PIWIL1: variants seen among roughly 807,000 people sequenced by gnomAD.
PIWIL1 encodes the protein piwi like RNA-mediated gene silencing 1.
A neutral mutation model predicts 114.4 loss-of-function variants in PIWIL1; 73 were observed. The observed-to-expected ratio is 0.64, with a 90% CI of 0.53 to 0.78. PIWIL1 has a LOEUF of 0.78. Among genes scored for constraint, PIWIL1 ranks in the 30% least tolerant of loss-of-function variants. The probability of loss-of-function intolerance (pLI) is 0.00; values close to 1 mark genes in which losing one functional copy is unlikely to be tolerated. For missense variants in PIWIL1, 723 were observed against 1,063.1 expected (o/e 0.68, Z 4.45); for synonymous variants, 375 against 369.0 (o/e 1.02, Z -0.19).
chr12:130,371,621 C>T lies in PIWIL1; in HGVS notation c.*23C>T. ...TAACCTGCAGAAGACGATGCAGCCG[C>T]TTTTCTTTTTGAAATGACTTTGGGA... On this transcript the variant is annotated 3_prime_UTR_variant, in exon 21 of 21. Transcript: ENST00000245255. 1 of 1,401,808 alleles carries T rather than the reference C, an allele frequency of 7.1e-7. No homozygotes were observed. Among genetic ancestry groups the T allele is most frequent in the Non-Finnish European group, 9.9e-7 (1 of 1,009,210 alleles). 86.8% of individuals were successfully genotyped at this position (1,401,808 alleles called of 1,614,324 possible).
At chr12:130,392,298 A>G in the PIWIL1 span, among the ~76,000 whole-genome samples, 2 of 143,960 alleles carry the variant, frequency 1.4e-5, no homozygotes, top group Non-Finnish European at 3.0e-5. Flanking sequence ...CGTTGTGATG[A>G]CCCGGTCACC....
the PIWIL1 span, among the ~76,000 whole-genome samples, chr12:130,382,468 C>T: frequency 6.6e-6 from 1 of 152,228 alleles, no homozygotes; most frequent in African/African-American, 2.4e-5. Flanking sequence ...GGGCCTGGGC[C>T]GCCGTGGTCT....
chr12:130,347,854 A>T (rs1161537543), intron 6 of PIWIL1, among the ~76,000 whole-genome samples: 1 of 152,224 alleles, frequency 6.6e-6, no homozygotes, highest in Non-Finnish European at 1.5e-5. Flanking sequence ...TGCCAGTAGA[A>T]CTATTGGTGG....
chr12:130,374,477 T>C (rs2073851879), downstream of PIWIL1, among the ~76,000 whole-genome samples: 1 of 152,178 alleles, frequency 6.6e-6, no homozygotes, highest in South Asian at 2.1e-4. Flanking sequence ...AACTGTAAAA[T>C]TTTCAAGAGT....
At chr12:130,349,782 C>A in intron 8 of PIWIL1, 74 bp from the exon 9 acceptor site, 1 of 840,432 alleles carries the variant, frequency 1.2e-6, no homozygotes, top group Non-Finnish European at 1.9e-6. Flanking sequence ...AGAATACATG[C>A]TGTCTAGTCT....
chr12:130,348,223 A>AT (rs1312959206), intron 7 of PIWIL1, 40 bp downstream of exon 7: 1 of 1,191,362 alleles, frequency 8.4e-7, no homozygotes, highest in Non-Finnish European at 1.2e-6. Context: ...CTTAGGCTTA[A>AT]TGACAGACTT....
the PIWIL1 span, among the ~76,000 whole-genome samples, chr12:130,394,185 T>C: frequency 6.6e-6 from 1 of 152,210 alleles, no homozygotes; most frequent in African/African-American, 2.4e-5. Context: ...TGACACTTGA[T>C]TCATCCTCTT....
chr12:130,363,427 C>T (rs1307687744), intron 18 of PIWIL1, among the ~76,000 whole-genome samples: 2 of 152,036 alleles, frequency 1.3e-5, no homozygotes, highest in Admixed American at 6.6e-5. Context: ...CCTTGGAGTG[C>T]AAGTATCTGA....
At chr12:130,382,025 T>C in the PIWIL1 span, among the ~76,000 whole-genome samples, 15 of 152,236 alleles carry the variant, frequency 9.9e-5, no homozygotes, top group African/African-American at 3.6e-4. Flanking sequence ...TTGTAAGAGT[T>C]CTTTGCATAT....
At chr12:130,412,083 T>C in the PIWIL1 span, among the ~76,000 whole-genome samples, 1 of 152,142 alleles carries the variant, frequency 6.6e-6, no homozygotes, top group East Asian at 1.9e-4. Context: ...ATAAATGTAA[T>C]GTTGCTTAAA....
chr12:130,392,436 C>T, the PIWIL1 span, among the ~76,000 whole-genome samples: 5 of 3,608 alleles, frequency 1.4e-3, no homozygotes, highest in Non-Finnish European at 2.9e-3. Flanking sequence ...ACCGTCATCA[C>T]GTGTCTGTCA....
At chr12:130,394,560 C>A in the PIWIL1 span, among the ~76,000 whole-genome samples, 3 of 152,124 alleles carry the variant, frequency 2.0e-5, no homozygotes, top group African/African-American at 7.2e-5. Context: ...CTTTATTTAG[C>A]AGAACTTTTC....
intron 18 of PIWIL1, among the ~76,000 whole-genome samples, chr12:130,365,377 G>A (rs1486367993): frequency 2.6e-5 from 4 of 152,122 alleles, no homozygotes. Flanking sequence ...TATACGTAAT[G>A]GACTTCACAC....
intron 1 of PIWIL1, among the ~76,000 whole-genome samples, chr12:130,338,967 G>C (rs1213535330): frequency 6.6e-6 from 1 of 151,886 alleles, no homozygotes; most frequent in Non-Finnish European, 1.5e-5. Context: ...CCGCATTGGC[G>C]GCCGTGCGTG....
chr12:130,389,270 A>C, the PIWIL1 span, among the ~76,000 whole-genome samples: 2 of 151,994 alleles, frequency 1.3e-5, no homozygotes, highest in Admixed American at 6.5e-5. Context: ...TCATTTCCTT[A>C]CTATCTTTGG....
the PIWIL1 span, chr12:130,419,707 A>C: frequency 6.6e-6 from 1 of 152,238 alleles, no homozygotes; most frequent in Non-Finnish European, 1.5e-5. This position sits in a 1 kb window ranked among gnomAD's most constrained non-coding sequence, Gnocchi z 4.3. Flanking sequence ...AAATGGGAGA[A>C]TACAGAGGAG....
At chr12:130,360,565 G>A (rs943815840) in intron 14 of PIWIL1, among the ~76,000 whole-genome samples, 5 of 152,072 alleles carry the variant, frequency 3.3e-5, no homozygotes, top group South Asian at 2.1e-4. Context: ...CCTGGGAGGC[G>A]GAGGTTGCAG....
At chr12:130,414,083 C>T in the PIWIL1 span, 8 of 1,606,326 alleles carry the variant, frequency 5.0e-6, no homozygotes, top group Admixed American at 8.3e-5. Flanking sequence ...CCAGACCCGC[C>T]TCAGGGGCTG....
At chr12:130,345,278 T>C (rs916166057) in intron 3 of PIWIL1, 2 of 153,342 alleles carry the variant, frequency 1.3e-5, no homozygotes, top group African/African-American at 4.8e-5. Flanking sequence ...AGTGAGGAAG[T>C]TGCATTTTAG....
Sources: gnomAD v4.1 joint callset for allele counts (sites outside exome capture counted in the v4.1 genomes callset) on GRCh38, gnomAD v4.1.1 for gene constraint, Gnocchi (gnomAD v3.1) non-coding constraint, MANE v1.5 for transcripts, NCBI Gene and HGNC (gene_info 2026-07-23, HGNC 2026-07-21) for gene names.